Variants in ROBO3 observed in about 807,000 individuals in gnomAD.
The protein encoded by ROBO3 is roundabout homolog 3.
In ROBO3, 97 loss-of-function variants were observed where a neutral mutation model predicts 160.5. The observed-to-expected ratio is 0.60, with a 90% CI of 0.51 to 0.72. The LOEUF (loss-of-function observed/expected upper bound fraction) is 0.72, where lower values mean the gene tolerates loss of function less well. ROBO3 is among the 30% of genes least tolerant of loss of function. ROBO3 has a pLI of 0.00. For synonymous variants in ROBO3, 780 were observed against 746.2 expected (o/e 1.05, Z -0.74); for missense variants, 1,858 against 1,846.5 (o/e 1.01, Z -0.11).
chr11:124,868,173 C>T (rs1946227108), intron 1 of ROBO3, among the ~76,000 whole-genome samples: 2 of 152,192 alleles, frequency 1.3e-5, no homozygotes, highest in Non-Finnish European at 2.9e-5. Context: ...TCACAGGACC[C>T]TTGAAATGAA....
chr11:124,877,682 C>A, intron 20 of ROBO3, 24 bp downstream of exon 20: 1 of 1,607,574 alleles, frequency 6.2e-7, no homozygotes, highest in Non-Finnish European at 8.5e-7. Flanking sequence ...ATTCCCTCAC[C>A]TGGCTTCAGC....
chr11:124,873,427 C>A lies in ROBO3; in HGVS notation c.1618+36C>A. The A allele has an allele frequency of 4.5e-6, 7 of 1,549,264 alleles. No individual in the cohort carries two copies. Among genetic ancestry groups the A allele is most frequent in the Non-Finnish European group, 6.2e-6 (7 of 1,131,898 alleles). ...TCTTTCTTCCCTTATTTTGATAATA[C>A]CTTCCTCCAAACCTGCTTCAACAGG... On this transcript the variant is annotated intron_variant, in intron 10 of 27. Transcript: ENST00000397801. The surrounding 1 kb of genome is among the most constrained non-coding windows in gnomAD (Gnocchi z 4.5).
Position 124,869,429 on chromosome 11 carries a change from G to GCCGCCCCCCCCCCCCCCCC in ROBO3, c.488-19_488-18insGCCCCCCCCCCCCCCCCCC. ...TGTCACTCTACACCCTGCTTATTTC[G>GCCGCCCCCCCCCCCCCCCC]CCCCCCACCGCCCCGCCCAGTCCTC... On this transcript the variant is annotated intron_variant, in intron 2 of 27. Transcript: ENST00000397801. This position sits in a 1 kb window ranked among gnomAD's most constrained non-coding sequence, Gnocchi z 4.2. 7.7e-7 allele frequency: 1 copy of GCCGCCCCCCCCCCCCCCCC among 1,295,762 alleles called. No individual in the cohort carries two copies. Among genetic ancestry groups the GCCGCCCCCCCCCCCCCCCC allele is most frequent in the Non-Finnish European group, 1.1e-6 (1 of 929,940 alleles). The allele number at this position is 1,295,762 out of a possible 1,614,324, so 80.3% of individuals were successfully genotyped here.
chr11:124,878,811 A>AG lies in ROBO3; in HGVS notation c.3533+16dup. On this transcript the variant is annotated intron_variant, in intron 23 of 27. Coordinates refer to ENST00000397801, the MANE Select transcript of ROBO3 (RefSeq NM_022370.4). This position sits in a 1 kb window ranked among gnomAD's most constrained non-coding sequence, Gnocchi z 4.3. ...CAGATGCCCAGGTAGGGAGGTATAT[A>AG]GTACCTCACTCATTGCAAGCCCTCT... The AG allele has an allele frequency of 6.3e-7, 1 of 1,581,430 alleles. No individual in the cohort carries two copies. The highest frequency in any genetic ancestry group is 8.7e-7 in the Non-Finnish European group (1 of 1,153,646).
Position 124,881,309 on chromosome 11 carries a change from T to C in ROBO3, c.*59T>C, listed in dbSNP as rs1730226569. On this transcript the variant is annotated 3_prime_UTR_variant, in exon 28 of 28. Transcript: ENST00000397801. Reference sequence around the variant, plus strand: ...CACGGGGAAGGGGAGTAGGGATGTCTTTTCCCCCCCAGCAGTGATGAGTGG... The same window carrying C: ...CACGGGGAAGGGGAGTAGGGATGTCCTTTCCCCCCCAGCAGTGATGAGTGG... 23 of 1,522,832 alleles carry C rather than the reference T, an allele frequency of 1.5e-5. No individual in the cohort carries two copies. Among genetic ancestry groups the C allele is most frequent in the Non-Finnish European group, 2.0e-5 (22 of 1,114,506 alleles). 94.3% of individuals were successfully genotyped at this position (1,522,832 alleles called of 1,614,324 possible). A position where few individuals can be genotyped will look rare whatever the true frequency, so the allele number is the denominator to read the frequency against.
intron 1 of ROBO3, among the ~76,000 whole-genome samples, chr11:124,868,248 G>A (rs1027243439): frequency 6.6e-6 from 1 of 152,204 alleles, no homozygotes; most frequent in Non-Finnish European, 1.5e-5. Flanking sequence ...AGGTTGACAA[G>A]CCCTTCTAGG....
chr11:124,879,559 G>A lies in ROBO3; in HGVS notation c.3780G>A (p.Arg1260=), dbSNP rs369974414. ...RKKPKALPYR[R]ENSPGDLPPP... is the part of the protein sequence containing the mutation. ...AACCCAAGGCTCTTCCCTACAGGAG[G>A]GAGAACAGTCCTGGGGGTGAGGGGG... Residue 1260 remains arginine (R), a synonymous_variant, in exon 25 of 28, where the codon AGG becomes AGA. Coordinates refer to ENST00000397801, the MANE Select transcript of ROBO3 (RefSeq NM_022370.4). 5.1e-4 allele frequency: 824 copies of A among 1,613,146 alleles called. 2 individuals are homozygous for A. Among genetic ancestry groups the A allele is most frequent in the Middle Eastern group, 2.3e-3 (14 of 6,084 alleles).
chr11:124,869,673 G>T lies in ROBO3; in HGVS notation c.645+66G>T. The T allele has an allele frequency of 6.8e-7, 1 of 1,473,726 alleles. No individual in the cohort carries two copies. Among genetic ancestry groups the T allele is most frequent in the South Asian group, 1.4e-5 (1 of 73,062 alleles). The allele number at this position is 1,473,726 out of a possible 1,614,324, so 91.3% of individuals were successfully genotyped here. ...GGACATAGGGTAGGGAGGTGACAAG[G>T]CTGGAGATTGAGATCAGGGCATTAG... On this transcript the variant is annotated intron_variant, in intron 3 of 27. Coordinates refer to ENST00000397801, the MANE Select transcript of ROBO3 (RefSeq NM_022370.4). This position sits in a 1 kb window ranked among gnomAD's most constrained non-coding sequence, Gnocchi z 4.2.
chr11:124,868,371 G>C (rs2095893097), intron 1 of ROBO3: 3 of 386,064 alleles, frequency 7.8e-6, no homozygotes, highest in Non-Finnish European at 9.5e-6. Flanking sequence ...GTTGGCTCCA[G>C]TGCACGGTTT....
At position 124,878,345 on chromosome 11, in the gene ROBO3, C is replaced by T; in HGVS notation, c.3229C>T (p.Pro1077Ser). Residue 1077 changes from proline (P) to serine (S), a missense_variant, in exon 22 of 28, where the codon CCC becomes TCC. Coordinates refer to ENST00000397801, the MANE Select transcript of ROBO3 (RefSeq NM_022370.4). This position sits in a 1 kb window ranked among gnomAD's most constrained non-coding sequence, Gnocchi z 4.3. ...GCTTCTGGGGAAACCTGTGCAGATG[C>T]CCTCTCTGAACTGGCCAGAAGCCCT... ...VKLLGKPVQM[P>S]SLNWPEALPP... The T allele has an allele frequency of 6.2e-7, 1 of 1,613,784 alleles. No homozygotes were observed. The highest frequency in any genetic ancestry group is 8.5e-7 in the Non-Finnish European group (1 of 1,179,806).
rs769039360 is a variant in ROBO3 at position 124,877,274 on chromosome 11, C to T, written c.2811C>T (p.Phe937=). ...ASFAYTPAVS[F]PHSEGLSGAS... ...CCCCCTCATTTTCCCCAGTGTCCTT[C>T]CCGCACTCAGAGGGCCTCTCTGGAG... Residue 937 remains phenylalanine, a synonymous_variant, in exon 19 of 28, where the codon TTC becomes TTT. Transcript: ENST00000397801. 2 of 1,613,984 alleles carry T rather than the reference C, an allele frequency of 1.2e-6. No homozygotes were observed. Among genetic ancestry groups the T allele is most frequent in the Non-Finnish European group, 1.7e-6 (2 of 1,179,870 alleles).
chr11:124,874,174 G>A lies in ROBO3; in HGVS notation c.1889G>A (p.Arg630Gln), dbSNP rs368942537. The A allele has an allele frequency of 7.1e-5, 115 of 1,613,854 alleles. No homozygotes were observed. The highest frequency in any genetic ancestry group is 1.5e-4 in the South Asian group (14 of 91,086). ...AATACCATCTACCTGTTTCTGGTTC[G>A]AGCAGTGGGAGCCTGGGGCCTCAGT... ...QPNTIYLFLV[R>Q]AVGAWGLSEP... Residue 630 changes from arginine (R) to glutamine (Q), a missense_variant, in exon 12 of 28, where the codon CGA becomes CAA. By Grantham distance (43) the Arg-to-Gln change is conservative. Coordinates refer to ENST00000397801, the MANE Select transcript of ROBO3 (RefSeq NM_022370.4).
intron 5 of ROBO3, 125 bp downstream of exon 5, chr11:124,870,428 T>G: frequency 6.8e-7 from 1 of 1,471,018 alleles, no homozygotes; most frequent in Non-Finnish European, 9.2e-7. Flanking sequence ...CTAGAGCCTG[T>G]GGCCCCAGTC....
rs1156539730 is a variant in ROBO3, at chr11:124,868,820, A to C, written c.179A>C (p.Glu60Ala). 1.2e-6 allele frequency: 2 copies of C among 1,609,614 alleles called. No homozygotes were observed. Among genetic ancestry groups the C allele is most frequent in the Non-Finnish European group, 1.7e-6 (2 of 1,178,562 alleles). The stretch of plus-strand genomic sequence containing the variant: ...TCCCCAGGGTCAAGGGTAGGACCGG[A>C]GGACGCTATGCCCCGCATCGTGGAG... Reference protein sequence around the residue: ...PSLNGSRVGPEDAMPRIVEQP... With the variant: ...PSLNGSRVGPADAMPRIVEQP... The change falls in exon 2 of 28, where the codon GAG becomes GCG. Residue 60 changes from glutamate to alanine, a missense_variant. Physicochemically the swap from Glu to Ala is moderately radical, Grantham distance 107 (BLOSUM62 -1). Coordinates refer to ENST00000397801, the MANE Select transcript of ROBO3 (RefSeq NM_022370.4).
At position 124,876,458 on chromosome 11, in the gene ROBO3, C is replaced by T. The variant is rs1357069295; in HGVS notation, c.2777C>T (p.Thr926Met). 5.0e-6 allele frequency: 7 copies of T among 1,401,826 alleles called. No homozygotes were observed. Among genetic ancestry groups the T allele is most frequent in the Non-Finnish European group, 6.5e-6 (7 of 1,082,304 alleles). The allele number at this position is 1,401,826 out of a possible 1,614,324, so 86.8% of individuals were successfully genotyped here. A position where few individuals can be genotyped will look rare whatever the true frequency, so the allele number is the denominator to read the frequency against. ...RKQRKELSHY[T>M]ASFAYTPAVS... ...CAGCGCAAAGAGCTCAGCCACTACA[C>T]GGGTGAGCTCCCGGCCTCGGAGCGG... is the stretch of plus-strand genomic sequence containing the variant. Residue 926 changes from threonine to methionine, a missense_variant and splice_region_variant, in exon 17 of 28, where the codon ACG (threonine) becomes ATG (methionine). Physicochemically the swap from Thr to Met is moderately conservative, Grantham distance 81. Transcript: ENST00000397801. This position sits in a 1 kb window ranked among gnomAD's most constrained non-coding sequence, Gnocchi z 5.3.
In ROBO3 at chr11:124,881,260, G is replaced by A. The variant is rs2135353531; in HGVS notation, c.*10G>A. ...CTAGGAACCAAGATGACCCTTGTTG[G>A]GGCATTGAGAATATCATGAGTGCCA... On this transcript the variant is annotated 3_prime_UTR_variant, in exon 28 of 28. Coordinates refer to ENST00000397801, the MANE Select transcript of ROBO3 (RefSeq NM_022370.4). 1 of 1,602,684 alleles carries A rather than the reference G, an allele frequency of 6.2e-7. No homozygotes were observed. Among genetic ancestry groups the A allele is most frequent in the East Asian group, 2.2e-5 (1 of 44,584 alleles).
chr11:124,870,113 G>C (rs750368283), intron 4 of ROBO3, 45 bp downstream of exon 4: 4 of 1,614,014 alleles, frequency 2.5e-6, no homozygotes, highest in Non-Finnish European at 3.4e-6. Context: ...GTAGCCTGCA[G>C]AGTAAGTAGC....
In ROBO3 at chr11:124,870,702, A is replaced by C; in HGVS notation, c.1007A>C (p.Glu336Ala). ...CVAENSVGRA[E>A]ASGSLSVHVP... is the part of the protein sequence containing the mutation. ...GCGGAGAACAGTGTGGGCCGCGCTGAAGCATCTGGCTCCCTCAGTGTTCAC... is the reference window on the plus strand; with the variant it reads ...GCGGAGAACAGTGTGGGCCGCGCTGCAGCATCTGGCTCCCTCAGTGTTCAC... The change falls in exon 6 of 28, where the codon GAA becomes GCA. Residue 336 changes from glutamate (E) to alanine (A), a missense_variant. Coordinates refer to ENST00000397801, the MANE Select transcript of ROBO3 (RefSeq NM_022370.4). 6.2e-7 allele frequency: 1 copy of C among 1,612,202 alleles called. No homozygotes were observed. Among genetic ancestry groups the C allele is most frequent in the Middle Eastern group, 1.7e-4 (1 of 6,060 alleles).
In ROBO3 at chr11:124,879,540, A is replaced by G. The variant is rs1476146625; in HGVS notation, c.3761A>G (p.Lys1254Arg). The change falls in exon 25 of 28, where the codon AAG becomes AGG. Residue 1254 changes from lysine to arginine, a missense_variant. Physicochemically the swap from Lys to Arg is conservative, Grantham distance 26. Coordinates refer to ENST00000397801, the MANE Select transcript of ROBO3 (RefSeq NM_022370.4). ...GPRARFRKKP[K>R]ALPYRRENSP... ...CGTGCTCGATTCCGGAAGAAACCCAAGGCTCTTCCCTACAGGAGGGAGAAC... is the reference window on the plus strand; with the variant it reads ...CGTGCTCGATTCCGGAAGAAACCCAGGGCTCTTCCCTACAGGAGGGAGAAC... 6.2e-7 allele frequency: 1 copy of G among 1,613,572 alleles called. No individual in the cohort carries two copies. Among genetic ancestry groups the G allele is most frequent in the Non-Finnish European group, 8.5e-7 (1 of 1,179,668 alleles).
Sources: allele counts gnomAD v4.1 joint callset (sites outside exome capture counted in the v4.1 genomes callset), GRCh38; gene constraint gnomAD v4.1.1; non-coding constraint Gnocchi (gnomAD v3.1); transcripts MANE v1.5; gene names NCBI Gene and HGNC (gene_info 2026-07-23, HGNC 2026-07-21).